MAPK6: variants seen among roughly 807,000 people sequenced by gnomAD.
The protein encoded by MAPK6 is ERK-3.
MAPK6 carries 19 observed loss-of-function variants against 59.3 expected under a neutral mutation model. The observed-to-expected ratio is 0.32, with a 90% CI of 0.22 to 0.47. The LOEUF (loss-of-function observed/expected upper bound fraction) is 0.47, where lower values mean the gene tolerates loss of function less well. Among genes scored for constraint, MAPK6 ranks in the 20% least tolerant of loss-of-function variants. MAPK6 has a pLI of 1.00. For synonymous variants in MAPK6, 316 were observed against 290.3 expected (o/e 1.09, Z -0.90); for missense variants, 724 against 847.9 (o/e 0.85, Z 1.81).
intron 3 of MAPK6, among the ~76,000 whole-genome samples, chr15:52,005,146 T>C (rs186657415): frequency 2.0e-5 from 3 of 152,206 alleles, no homozygotes; most frequent in Admixed American, 2.0e-4. Flanking sequence ...ACCCCCCAAA[T>C]AAGTTACCCC....
intron 2 of MAPK6, among the ~76,000 whole-genome samples, chr15:51,987,469 G>T (rs772759724): frequency 5.9e-5 from 9 of 152,062 alleles, no homozygotes; most frequent in Non-Finnish European, 1.2e-4. Flanking sequence ...ACCGGGCATG[G>T]TGGCGTGCAC....
chr15:52,053,724 C>T (rs912290777), intron 3 of MAPK6, among the ~76,000 whole-genome samples: 1 of 151,968 alleles, frequency 6.6e-6, no homozygotes, highest in Non-Finnish European at 1.5e-5. Context: ...ACTGCAGTCT[C>T]TCCCTCCTGG....
In MAPK6 at chr15:52,051,642, A is replaced by G. The variant is rs201101248; in HGVS notation, c.700+1505A>G. Among the ~76,000 whole-genome samples the G allele has an allele frequency of 2.6e-5, 4 of 151,898 alleles. No homozygotes were observed. In the East Asian group the frequency reaches 7.8e-4, roughly 30 times the overall value. ...TAATCCCAGCACTTTGGGAGGCTGC[A>G]GCGGGCAGATCACTTGAGGTCAGGA... On this transcript the variant is annotated intron_variant, in intron 3 of 5. Coordinates refer to ENST00000261845, the MANE Select transcript of MAPK6 (RefSeq NM_002748.4).
intron 1 of MAPK6, among the ~76,000 whole-genome samples, chr15:51,973,919 TGGA>T (rs1359421577): frequency 6.6e-6 from 1 of 151,902 alleles, no homozygotes; most frequent in Admixed American, 6.6e-5. Flanking sequence ...CCCAAAGTGA[TGGA>T]ATTACAGGCC....
intron 2 of MAPK6, among the ~76,000 whole-genome samples, chr15:51,991,174 CACACACAT>C (rs1364349358): frequency 4.0e-5 from 6 of 149,194 alleles, no homozygotes; most frequent in African/African-American, 1.0e-4. Flanking sequence ...CACACACACA[CACACACAT>C]ATATATATGT....
chr15:52,029,258 G>T (rs768764716), intron 1 of MAPK6, among the ~76,000 whole-genome samples: 1 of 151,892 alleles, frequency 6.6e-6, no homozygotes, highest in Non-Finnish European at 1.5e-5. Context: ...GGCTGGTCTC[G>T]GAACTCCTGA....
At chr15:52,050,195 T>C in intron 3 of MAPK6, 58 bp downstream of exon 3, 1 of 1,423,412 alleles carries the variant, frequency 7.0e-7, no homozygotes, top group East Asian at 2.3e-5. Context: ...GCATTTTATC[T>C]CTGAAGCAAG....
chr15:52,025,487 TTTTTA>T (rs2030734757), intron 1 of MAPK6, among the ~76,000 whole-genome samples: 2 of 152,220 alleles, frequency 1.3e-5, no homozygotes, highest in Admixed American at 6.5e-5. Flanking sequence ...GGAATTGAAT[TTTTTA>T]TTTAATTTTA....
chr15:52,051,317 A>G (rs1276168762), intron 3 of MAPK6, among the ~76,000 whole-genome samples: 1 of 151,876 alleles, frequency 6.6e-6, no homozygotes, highest in Non-Finnish European at 1.5e-5. Context: ...TCGGCCTCCC[A>G]AAGTACTGGG....
intron 1 of MAPK6, among the ~76,000 whole-genome samples, chr15:52,024,402 CTTTTTTT>C (rs1197373755): frequency 5.7e-5 from 8 of 139,264 alleles, no homozygotes; most frequent in African/African-American, 1.6e-4. Flanking sequence ...TTTTCTTTTT[CTTTTTTT>C]TTTTTTTTGG....
chr15:52,049,909 G>C, intron 2 of MAPK6, 84 bp from the exon 3 acceptor site: 1 of 1,292,816 alleles, frequency 7.7e-7, no homozygotes, highest in South Asian at 1.2e-5. Flanking sequence ...CACCACGCCT[G>C]GCAAATTAAG....
At chr15:52,052,739 G>T (rs982102676) in intron 3 of MAPK6, among the ~76,000 whole-genome samples, 2 of 152,004 alleles carry the variant, frequency 1.3e-5, no homozygotes, top group Non-Finnish European at 2.9e-5. Flanking sequence ...TCCTTTTTAC[G>T]GGCAAATAGT....
intron 2 of MAPK6, among the ~76,000 whole-genome samples, chr15:52,003,187 T>TA (rs907233766): frequency 3.6e-4 from 53 of 145,724 alleles, no homozygotes; most frequent in African/African-American, 5.8e-4. Flanking sequence ...AACTCCGTCT[T>TA]AAAAAAAAAA....
At chr15:51,974,256 C>G (rs1240290126) in intron 1 of MAPK6, among the ~76,000 whole-genome samples, 1 of 151,690 alleles carries the variant, frequency 6.6e-6, no homozygotes, top group Non-Finnish European at 1.5e-5. Context: ...GCCACTACAC[C>G]CAGTTTGATT....
chr15:52,058,858 G>C, intron 4 of MAPK6, 61 bp downstream of exon 4: 1 of 1,416,260 alleles, frequency 7.1e-7, no homozygotes, highest in Non-Finnish European at 9.5e-7. Flanking sequence ...AATCTGTGTA[G>C]GGAAGCTGGA....
chr15:52,061,527 A>G (rs771427316), intron 5 of MAPK6, 27 bp downstream of exon 5: 15 of 1,542,396 alleles, frequency 9.7e-6, no homozygotes, highest in Non-Finnish European at 1.3e-5. Flanking sequence ...TTAGAAAAAT[A>G]ATATTTACTG....
chr15:52,036,260 G>A lies in MAPK6; in HGVS notation c.-631-9570G>A, dbSNP rs1030395493. On this transcript the variant is annotated intron_variant, in intron 1 of 5. Coordinates refer to ENST00000261845, the MANE Select transcript of MAPK6 (RefSeq NM_002748.4). ...GAAATTCTTTGACTACACAGCTGATGTAGCCACAGATCCTGGAGTAGACCC... is the reference window on the plus strand; with the variant it reads ...GAAATTCTTTGACTACACAGCTGATATAGCCACAGATCCTGGAGTAGACCC... Among the ~76,000 whole-genome samples, 10 of 152,314 alleles carry A rather than the reference G, an allele frequency of 6.6e-5. No homozygotes were observed. The East Asian group carries it at 1.7e-3, about 26-fold the overall frequency.
intron 1 of MAPK6, among the ~76,000 whole-genome samples, chr15:52,030,259 A>G (rs1425489659): frequency 2.0e-5 from 3 of 152,216 alleles, no homozygotes; most frequent in Non-Finnish European, 2.9e-5. Context: ...TAATTAGCTA[A>G]CATGTTTGTT....
At chr15:52,049,640 G>A (rs2031713007) in intron 2 of MAPK6, among the ~76,000 whole-genome samples, 1 of 146,608 alleles carries the variant, frequency 6.8e-6, no homozygotes, top group African/African-American at 2.5e-5. Context: ...TTGAGATGGA[G>A]TTTAGCTCTT....
Sources: allele counts gnomAD v4.1 joint callset (sites outside exome capture counted in the v4.1 genomes callset), GRCh38; gene constraint gnomAD v4.1.1; transcripts MANE v1.5; gene names NCBI Gene and HGNC (gene_info 2026-07-23, HGNC 2026-07-21).